Variants in PIAS1 observed in about 807,000 individuals in gnomAD.
The protein encoded by PIAS1 is E3 SUMO-protein ligase PIAS1.
A neutral mutation model predicts 71.3 loss-of-function variants in PIAS1; 6 were observed. That is an observed-to-expected ratio of 0.08 (90% CI 0.05 to 0.17). The LOEUF (loss-of-function observed/expected upper bound fraction) is 0.17, where lower values mean the gene tolerates loss of function less well. Among genes scored for constraint, PIAS1 ranks in the 10% least tolerant of loss-of-function variants. PIAS1 has a pLI of 1.00. For missense variants in PIAS1, 555 were observed against 793.6 expected (o/e 0.70, Z 3.61); for synonymous variants, 303 against 292.9 (o/e 1.03, Z -0.35).
In PIAS1 at chr15:68,167,751, G is replaced by C. The variant is rs2092966449; in HGVS notation, c.1008+2947G>C. Among the ~76,000 whole-genome samples, 1 of 152,084 alleles carries C rather than the reference G, an allele frequency of 6.6e-6. No homozygotes were observed. Among genetic ancestry groups the C allele is most frequent in the Non-Finnish European group, 1.5e-5 (1 of 68,022 alleles). ...GACAGAGTTTTGCTCTGTCACCCAG[G>C]CTGGAGTACAGTGGCCAGATCTTGG... is the stretch of plus-strand genomic sequence containing the variant. On this transcript the variant is annotated intron_variant, in intron 8 of 13. Transcript: ENST00000249636. The surrounding 1 kb of genome is among the most constrained non-coding windows in gnomAD (Gnocchi z 4.4).
chr15:68,100,900 GTTT>G (rs10713308), intron 2 of PIAS1, among the ~76,000 whole-genome samples: 3 of 138,180 alleles, frequency 2.2e-5, no homozygotes, highest in Non-Finnish European at 3.2e-5. Context: ...TTTTTGTTTT[GTTT>G]TTTTTTTTTT....
At chr15:68,168,340 T>C (rs948589746) in intron 8 of PIAS1, among the ~76,000 whole-genome samples, 3 of 152,172 alleles carry the variant, frequency 2.0e-5, no homozygotes, top group African/African-American at 7.2e-5. Flanking sequence ...CTTTTTCCTT[T>C]CCTTTTGCAA....
intron 7 of PIAS1, among the ~76,000 whole-genome samples, chr15:68,157,671 C>T (rs529165185): frequency 4.6e-5 from 7 of 152,304 alleles, no homozygotes; most frequent in South Asian, 2.1e-4. Flanking sequence ...TCAATGGATT[C>T]TCTTAAGGGA....
chr15:68,123,042 C>A (rs569297444), intron 2 of PIAS1, among the ~76,000 whole-genome samples: 1 of 149,360 alleles, frequency 6.7e-6, no homozygotes, highest in Non-Finnish European at 1.5e-5. Context: ...ATACAAAATT[C>A]TTTTTATTTT....
In PIAS1 at chr15:68,187,247, G is replaced by A. The variant is rs1318871054; in HGVS notation, c.1663-295G>A. ...TGTCTGCCCCTCCTGCTGCTTCTGA[G>A]CATATGCTTCTTGGGAAATAGAATT... On this transcript the variant is annotated intron_variant, in intron 13 of 13. Transcript: ENST00000249636. The surrounding 1 kb of genome is among the most constrained non-coding windows in gnomAD (Gnocchi z 5.3). Among the ~76,000 whole-genome samples, 2 of 152,062 alleles carry A rather than the reference G, an allele frequency of 1.3e-5. No homozygotes were observed. Among genetic ancestry groups the A allele is most frequent in the African/African-American group, 4.8e-5 (2 of 41,360 alleles).
At chr15:68,056,951 G>A (rs1298693796) in intron 1 of PIAS1, among the ~76,000 whole-genome samples, 2 of 152,086 alleles carry the variant, frequency 1.3e-5, no homozygotes, top group Non-Finnish European at 2.9e-5. Flanking sequence ...AATTTTAAAT[G>A]GGAATAGAGT....
chr15:68,108,313 T>TG (rs2092490274), intron 2 of PIAS1, among the ~76,000 whole-genome samples: 1 of 152,162 alleles, frequency 6.6e-6, no homozygotes, highest in Non-Finnish European at 1.5e-5. Flanking sequence ...CATGATCTGT[T>TG]CTCAGTCTCC....
chr15:68,097,978 A>T (rs1223203608), intron 2 of PIAS1, among the ~76,000 whole-genome samples: 1 of 152,158 alleles, frequency 6.6e-6, no homozygotes, highest in Non-Finnish European at 1.5e-5. Flanking sequence ...TTACATGAGT[A>T]TAGGGCTCTA....
intron 1 of PIAS1, among the ~76,000 whole-genome samples, chr15:68,072,339 GCAGTGAGCTGAAATCAGGC>G (rs1260822565): frequency 2.9e-5 from 4 of 140,134 alleles, no homozygotes; most frequent in Non-Finnish European, 6.0e-5. Flanking sequence ...GGCGGAGCTT[GCAGTGAGCTGAAATCAGGC>G]CACTGCACTC....
rs145327652 is a variant in PIAS1 at position 68,132,187 on chromosome 15, C to G, written c.470-9759C>G. On this transcript the variant is annotated intron_variant, in intron 2 of 13. Transcript: ENST00000249636. Reference sequence around the variant, plus strand: ...CAGCTTTGTGGGTGATTGTTAAAAACTACAGTGTTGGCCGGGCATGGTGGC... The same window carrying G: ...CAGCTTTGTGGGTGATTGTTAAAAAGTACAGTGTTGGCCGGGCATGGTGGC... 2.9e-4 allele frequency among the ~76,000 whole-genome samples: 43 copies of G among 150,072 alleles called. 1 individual carries two copies. In the East Asian group the frequency reaches 3.4e-3, roughly 12 times the overall value.
intron 2 of PIAS1, chr15:68,087,915 A>G (rs2140983590): frequency 3.1e-6 from 1 of 320,916 alleles, no homozygotes; most frequent in African/African-American, 2.2e-5. Flanking sequence ...ACATTATTTT[A>G]TTTTTTAAGT....
chr15:68,064,774 G>A (rs1306829899), intron 1 of PIAS1, among the ~76,000 whole-genome samples: 1 of 152,170 alleles, frequency 6.6e-6, no homozygotes, highest in Non-Finnish European at 1.5e-5. Context: ...GAATGGAAAA[G>A]TAGATGTGAG....
intron 1 of PIAS1, among the ~76,000 whole-genome samples, chr15:68,075,045 G>T (rs1222299284): frequency 6.1e-5 from 8 of 131,650 alleles, no homozygotes; most frequent in Admixed American, 7.5e-5. Context: ...TGGAATTTTT[G>T]AAAGAAAATA....
intron 2 of PIAS1, among the ~76,000 whole-genome samples, chr15:68,115,717 TC>T (rs1567048309): frequency 6.6e-6 from 1 of 152,174 alleles, no homozygotes; most frequent in Non-Finnish European, 1.5e-5. Flanking sequence ...TTACTTCTAT[TC>T]CTGGTTTCTG....
intron 2 of PIAS1, among the ~76,000 whole-genome samples, chr15:68,098,132 G>A (rs2092392213): frequency 6.6e-6 from 1 of 152,140 alleles, no homozygotes; most frequent in Admixed American, 6.5e-5. Context: ...TGCCACCTTT[G>A]CAACACACAC....
At chr15:68,183,325 G>A (rs1490495529) in intron 12 of PIAS1, among the ~76,000 whole-genome samples, 1 of 152,168 alleles carries the variant, frequency 6.6e-6, no homozygotes, top group Non-Finnish European at 1.5e-5. Flanking sequence ...CTTAAGAGGA[G>A]TCCAGAGCAT....
At chr15:68,103,467 C>A (rs1595727261) in intron 2 of PIAS1, among the ~76,000 whole-genome samples, 1 of 151,672 alleles carries the variant, frequency 6.6e-6, no homozygotes, top group Middle Eastern at 3.4e-3. Flanking sequence ...ACATATAATT[C>A]ATATACCACA....
At chr15:68,085,530 C>T (rs1234084245) in intron 1 of PIAS1, among the ~76,000 whole-genome samples, 2 of 152,122 alleles carry the variant, frequency 1.3e-5, no homozygotes, top group Non-Finnish European at 2.9e-5. Flanking sequence ...TAATATGAGT[C>T]CAGCTCTGTC....
intron 8 of PIAS1, among the ~76,000 whole-genome samples, chr15:68,165,590 A>G (rs2092952764): frequency 6.6e-6 from 1 of 152,210 alleles, no homozygotes; most frequent in Non-Finnish European, 1.5e-5. Context: ...AAACCTTGAG[A>G]TATTTTAAGC....
Sources: allele counts gnomAD v4.1 joint callset (sites outside exome capture counted in the v4.1 genomes callset), GRCh38; gene constraint gnomAD v4.1.1; non-coding constraint Gnocchi (gnomAD v3.1); transcripts MANE v1.5; gene names NCBI Gene and HGNC (gene_info 2026-07-23, HGNC 2026-07-21).